The following CSRP1 variants were observed in gnomAD, a reference collection of about 807,000 sequenced individuals.
CSRP1 encodes cysteine and glycine-rich protein 1.
In CSRP1, 16 loss-of-function variants were observed where a neutral mutation model predicts 25.4. The ratio of observed to expected loss-of-function variants is 0.63; its 90% CI spans 0.43 to 0.96. The LOEUF (loss-of-function observed/expected upper bound fraction) is 0.96. CSRP1 is among the 40% of genes least tolerant of loss of function. The pLI, the probability that CSRP1 is intolerant of heterozygous loss-of-function variation, is 0.00. For synonymous variants in CSRP1, 97 were observed against 95.3 expected (o/e 1.02, Z -0.10); for missense variants, 212 against 243.6 (o/e 0.87, Z 0.86).
chr1:201,505,482 G>C (rs1302870246), intron 1 of CSRP1, among the ~76,000 whole-genome samples: 1 of 139,600 alleles, frequency 7.2e-6, no homozygotes, highest in South Asian at 2.3e-4. Context: ...AGAGTTGATG[G>C]GCCTTCTCTT....
Position 201,485,304 on chromosome 1 carries a change from C to T in CSRP1, c.484G>A (p.Asp162Asn). ...CCACCTTTGCAGTAAATCTCGCCAT[C>T]CTTGTCTGCCAGGGTGGTTGACTCA... ...GLESTTLADK[D>N]GEIYCKGCYA... The change falls in exon 5 of 6, where the codon GAT becomes AAT. Residue 162 changes from aspartate to asparagine, a missense_variant. By Grantham distance (23) the Asp-to-Asn change is conservative (BLOSUM62 1). Transcript: ENST00000340006. The T allele has an allele frequency of 6.2e-7, 1 of 1,614,200 alleles. No homozygotes were observed. Among genetic ancestry groups the T allele is most frequent in the Non-Finnish European group, 8.5e-7 (1 of 1,180,016 alleles).
At chr1:201,502,778 A>G (rs1011324750) in intron 1 of CSRP1, among the ~76,000 whole-genome samples, 3 of 152,088 alleles carry the variant, frequency 2.0e-5, no homozygotes, top group Non-Finnish European at 2.9e-5. Flanking sequence ...CAAGGGCGGT[A>G]TATGTCTCTC....
chr1:201,498,350 G>A (rs1233548279), intron 1 of CSRP1, among the ~76,000 whole-genome samples: 1 of 152,224 alleles, frequency 6.6e-6, no homozygotes, highest in Non-Finnish European at 1.5e-5. Flanking sequence ...CTTGGTGCCG[G>A]GGGTTGCCCA....
intron 1 of CSRP1, among the ~76,000 whole-genome samples, chr1:201,499,680 A>C: frequency 6.6e-6 from 1 of 152,120 alleles, no homozygotes; most frequent in East Asian, 1.9e-4. Flanking sequence ...CAGTGGCACA[A>C]TCTCTGCTCA....
intron 2 of CSRP1, among the ~76,000 whole-genome samples, chr1:201,494,353 A>G (rs904369259): frequency 6.6e-6 from 1 of 151,708 alleles, no homozygotes; most frequent in Non-Finnish European, 1.5e-5. Flanking sequence ...AGCAGCCTAG[A>G]CCCCCTTCCC....
intron 1 of CSRP1, among the ~76,000 whole-genome samples, chr1:201,502,162 A>C (rs992914096): frequency 1.3e-5 from 2 of 152,164 alleles, no homozygotes; most frequent in South Asian, 4.1e-4. Context: ...TTATTTCTAC[A>C]GTGGAAAAAT....
intron 4 of CSRP1, chr1:201,487,720 G>A (rs574365661): frequency 1.1e-4 from 17 of 152,298 alleles, no homozygotes; most frequent in African/African-American, 4.1e-4. Context: ...GTAAGAGCAA[G>A]GGCTTCGGAG....
Position 201,483,600 on chromosome 1 carries a change from C to G in CSRP1, c.*1113G>C, listed in dbSNP as rs551726186. The G allele has an allele frequency of 5.4e-6, 1 of 186,454 alleles. No individual in the cohort carries two copies. Among genetic ancestry groups the G allele is most frequent in the African/African-American group, 2.3e-5 (1 of 43,732 alleles). 11.5% of individuals were successfully genotyped at this position (186,454 alleles called of 1,614,324 possible). ...GTACAGCCCATGCCTGCAGCCCTTT[C>G]AGTGGGTGGCTCCAGATAGTGTTGT... is the stretch of plus-strand genomic sequence containing the variant. On this transcript the variant is annotated 3_prime_UTR_variant, in exon 6 of 6. Transcript: ENST00000340006.
chr1:201,506,059 AGTTT>A (rs760159716), intron 1 of CSRP1, among the ~76,000 whole-genome samples: 11 of 152,358 alleles, frequency 7.2e-5, no homozygotes, highest in Non-Finnish European at 1.2e-4. Flanking sequence ...GAAGTTAAAT[AGTTT>A]GTCCAAGGAA....
chr1:201,494,290 T>C (rs1426313023), intron 2 of CSRP1, among the ~76,000 whole-genome samples: 2 of 152,166 alleles, frequency 1.3e-5, no homozygotes, highest in Middle Eastern at 3.4e-3. Context: ...TGACCCCTTA[T>C]GGTCAGTGAT....
At chr1:201,498,001 C>A (rs1664561452) in intron 1 of CSRP1, among the ~76,000 whole-genome samples, 1 of 150,824 alleles carries the variant, frequency 6.6e-6, no homozygotes, top group Admixed American at 6.6e-5. Flanking sequence ...CAGAGCAAGA[C>A]TCCGTCTCAA....
intron 2 of CSRP1, chr1:201,492,098 C>T (rs908748298): frequency 4.6e-5 from 7 of 152,176 alleles, no homozygotes; most frequent in African/African-American, 1.4e-4. Flanking sequence ...ACATTCCCTT[C>T]TAGGGTGGGA....
chr1:201,485,285 T>C lies in CSRP1; in HGVS notation c.503A>G (p.Lys168Arg). 6 of 1,614,098 alleles carry C rather than the reference T, an allele frequency of 3.7e-6. No homozygotes were observed. Among genetic ancestry groups the C allele is most frequent in the Non-Finnish European group, 5.1e-6 (6 of 1,179,958 alleles). ...LADKDGEIYC[K>R]GCYAKNFGPK... ...CAATTAGAAGTGAAAACACCCACCTTTGCAGTAAATCTCGCCATCCTTGTC... is the reference window on the plus strand; with the variant it reads ...CAATTAGAAGTGAAAACACCCACCTCTGCAGTAAATCTCGCCATCCTTGTC... The change falls in exon 5 of 6, where the codon AAA (lysine) becomes AGA (arginine). Residue 168 changes from lysine to arginine, a missense_variant and splice_region_variant. Lys to Arg is a conservative substitution (Grantham distance 26). Coordinates refer to ENST00000340006, the MANE Select transcript of CSRP1 (RefSeq NM_004078.3).
intron 1 of CSRP1, among the ~76,000 whole-genome samples, chr1:201,502,082 CT>C (rs1295891321): frequency 6.6e-6 from 1 of 152,152 alleles, no homozygotes; most frequent in Non-Finnish European, 1.5e-5. Flanking sequence ...TGTAAAATCC[CT>C]AACTGCCAGC....
chr1:201,498,510 G>A (rs940266081), intron 1 of CSRP1, among the ~76,000 whole-genome samples: 11 of 152,232 alleles, frequency 7.2e-5, no homozygotes, highest in African/African-American at 2.2e-4. Flanking sequence ...ATGTGGCAAC[G>A]AGAGCCCACC....
At chr1:201,490,125 G>T (rs1351957628) in intron 3 of CSRP1, 51 bp downstream of exon 3, 1 of 1,570,790 alleles carries the variant, frequency 6.4e-7, no homozygotes, top group South Asian at 1.2e-5. Flanking sequence ...GCCTAATACA[G>T]GGTGGGGGAG....
chr1:201,490,279 A>G lies in CSRP1; in HGVS notation c.178T>C (p.Ser60Pro). 1 of 1,614,144 alleles carries G rather than the reference A, an allele frequency of 6.2e-7. No individual in the cohort carries two copies. The stretch of plus-strand genomic sequence containing the variant: ...GGCCCATACTTCTTGCCGTAGCAGG[A>G]CTTGCAGTAAATCTCCTCACCATGC... The part of the protein sequence containing the change: ...AVHGEEIYCK[S>P]CYGKKYGPKG... Residue 60 changes from serine to proline, a missense_variant, in exon 3 of 6, where the codon TCC becomes CCC. Ser to Pro is a moderately conservative substitution (Grantham distance 74, BLOSUM62 -1). Transcript: ENST00000340006.
Position 201,488,944 on chromosome 1 carries a change from T to C in CSRP1, c.322A>G (p.Lys108Glu), listed in dbSNP as rs1664238686. Residue 108 changes from lysine (K) to glutamate (E), a missense_variant, in exon 4 of 6, where the codon AAA (lysine) becomes GAA (glutamate). Lys to Glu is a moderately conservative substitution (Grantham distance 56). Transcript: ENST00000340006. ...HRPTTNPNAS[K>E]FAQKIGGSER... ...GAGCCACCAATCTTCTGGGCAAATT[T>C]GGATGCATTGGGGTTGGTGGTGGGC... 2 of 1,614,120 alleles carry C rather than the reference T, an allele frequency of 1.2e-6. No homozygotes were observed. The highest frequency in any genetic ancestry group is 1.7e-6 in the Non-Finnish European group (2 of 1,180,014).
intron 3 of CSRP1, 108 bp from the exon 4 acceptor site, chr1:201,489,092 A>G: frequency 1.4e-6 from 2 of 1,441,016 alleles, no homozygotes; most frequent in East Asian, 2.4e-5. Context: ...GCAGCGCGCA[A>G]TTCTCTCTGC....
Sources: gnomAD v4.1 joint callset for allele counts (sites outside exome capture counted in the v4.1 genomes callset) on GRCh38, gnomAD v4.1.1 for gene constraint, MANE v1.5 for transcripts, NCBI Gene and HGNC (gene_info 2026-07-23, HGNC 2026-07-21) for gene names.